PIK3CD: variants seen among roughly 807,000 people sequenced by gnomAD.
The protein encoded by PIK3CD is phosphatidylinositol-4,5-bisphosphate 3-kinase catalytic subunit delta, also known as phosphatidylinositol 4,5-bisphosphate 3-kinase catalytic subunit delta isoform.
In PIK3CD, 20 loss-of-function variants were observed where a neutral mutation model predicts 122.9. The ratio of observed to expected loss-of-function variants is 0.16; its 90% confidence interval spans 0.11 to 0.24. PIK3CD has a LOEUF of 0.24. Among genes scored for constraint, PIK3CD ranks in the 10% least tolerant of loss-of-function variants. The pLI is 1.00. For synonymous variants in PIK3CD, 596 were observed against 593.4 expected (o/e 1.00, Z -0.06); for missense variants, 787 against 1,406.3 (o/e 0.56, Z 7.04).
chr1:9,651,749 C>A lies in PIK3CD; in HGVS notation c.-191C>A, dbSNP rs1193275595. ...GAGGCTCACTCGCGCCCAGCGCAGT[C>A]GCTCCGAGCGGCCGCGAGCAGAGCC... On this transcript the variant is annotated 5_prime_UTR_variant, in exon 1 of 24. Transcript: ENST00000377346. 1 of 152,078 alleles carries A rather than the reference C, an allele frequency of 6.6e-6. No individual in the cohort carries two copies. Among genetic ancestry groups the A allele is most frequent in the East Asian group, 1.9e-4 (1 of 5,176 alleles). The allele number at this position is 152,078 out of a possible 1,614,324, so 9.4% of individuals were successfully genotyped here.
chr1:9,661,792 C>T lies in PIK3CD; in HGVS notation c.-138+9990C>T, dbSNP rs565934550. 4.6e-5 allele frequency among the ~76,000 whole-genome samples: 7 copies of T among 152,240 alleles called. 1 individual carries two copies. Among genetic ancestry groups the T allele is most frequent in the Admixed American group, 3.9e-4 (6 of 15,294 alleles). On this transcript the variant is annotated intron_variant, in intron 1 of 23. Transcript: ENST00000377346. ...CGGACGGATCACGAGGTTAAGAGATCGAGACCATCCTGGCTAACACGGTGA... is the reference window on the plus strand; with the variant it reads ...CGGACGGATCACGAGGTTAAGAGATTGAGACCATCCTGGCTAACACGGTGA...
At position 9,726,137 on chromosome 1, in the gene PIK3CD, C is replaced by T. The variant is rs144331018; in HGVS notation, c.2998-772C>T. 1.5e-4 allele frequency among the ~76,000 whole-genome samples: 22 copies of T among 151,396 alleles called. No homozygotes were observed. The South Asian group carries it at 2.9e-3, about 20-fold the overall frequency. Reference sequence around the variant, plus strand: ...CTGAGGCAGAAGAATCACTTGAACACGAGAGACTGAGGCTGCAGTAAGCCT... The same window carrying T: ...CTGAGGCAGAAGAATCACTTGAACATGAGAGACTGAGGCTGCAGTAAGCCT... On this transcript the variant is annotated intron_variant, in intron 23 of 23. Coordinates refer to ENST00000377346, the MANE Select transcript of PIK3CD (RefSeq NM_005026.5).
At position 9,684,881 on chromosome 1, in the gene PIK3CD, A is replaced by T. The variant is rs887702006; in HGVS notation, c.-137-6586A>T. Among the ~76,000 whole-genome samples the T allele has an allele frequency of 4.9e-4, 74 of 151,266 alleles. 1 individual carries two copies. The Admixed American group carries it at 4.9e-3, about 10-fold the overall frequency. On this transcript the variant is annotated intron_variant, in intron 1 of 23. Transcript: ENST00000377346. ...AAAAAAGAAAGAAAAAAGAAAAAAG[A>T]ATGAGCAATGCAAACCCAAGCTTTT... is the stretch of plus-strand genomic sequence containing the variant.
At chr1:9,702,727 G>T (rs1192813523) in intron 2 of PIK3CD, among the ~76,000 whole-genome samples, 1 of 151,366 alleles carries the variant, frequency 6.6e-6, no homozygotes, top group Non-Finnish European at 1.5e-5. Flanking sequence ...CACCATGTTG[G>T]TCAGGCTGGT....
intron 1 of PIK3CD, chr1:9,654,173 A>G (rs1209849457): frequency 7.4e-7 from 1 of 1,348,830 alleles, no homozygotes; most frequent in Admixed American, 1.9e-5. Flanking sequence ...GTTCAGAAAC[A>G]GACTACATTG....
rs549632105 is a variant in PIK3CD, at chr1:9,662,421, A to T, written c.-138+10619A>T. On this transcript the variant is annotated intron_variant, in intron 1 of 23. Transcript: ENST00000377346. The stretch of plus-strand genomic sequence containing the variant: ...TTCCCCCTGCACTCGTTCAGTGTAG[A>T]TGACGTATTTCTTCCTTTAAACCTG... 3.7e-5 allele frequency: 6 copies of T among 160,242 alleles called. No individual in the cohort carries two copies. The South Asian group carries it at 1.1e-3, about 29-fold the overall frequency. The allele number at this position is 160,242 out of a possible 1,614,324, so 9.9% of individuals were successfully genotyped here.
At position 9,715,266 on chromosome 1, in the gene PIK3CD, G is replaced by A. The variant is rs1647245603; in HGVS notation, c.142-275G>A. On this transcript the variant is annotated intron_variant, in intron 3 of 23. Transcript: ENST00000377346. This position sits in a 1 kb window ranked among gnomAD's most constrained non-coding sequence, Gnocchi z 4.1. ...CCCCGTCTCTGGAGTGACCTAGGGT[G>A]GTCCTGCACTCTGGGAGGGGAGCCT... is the stretch of plus-strand genomic sequence containing the variant. Among the ~76,000 whole-genome samples the A allele has an allele frequency of 6.6e-6, 1 of 152,212 alleles. No homozygotes were observed. The highest frequency in any genetic ancestry group is 1.5e-5 in the Non-Finnish European group (1 of 68,030).
chr1:9,661,587 G>A (rs955280077), intron 1 of PIK3CD, among the ~76,000 whole-genome samples: 2 of 152,054 alleles, frequency 1.3e-5, no homozygotes, highest in Admixed American at 6.6e-5. Flanking sequence ...GAGGCCGGGT[G>A]TGGTGGCTCA....
chr1:9,658,909 T>TA (rs1350867264), intron 1 of PIK3CD, among the ~76,000 whole-genome samples: 1 of 152,122 alleles, frequency 6.6e-6, no homozygotes, highest in African/African-American at 2.4e-5. Flanking sequence ...ACCTACCTGT[T>TA]AGTCTTGAGG....
rs1647239965 is a variant in PIK3CD, at chr1:9,715,206, A to G, written c.142-335A>G. ...ATAAAATAAATAGGTGAAGAACTCCAGGACAGTTAGCTGGGCTGCATGAAG... is the reference window on the plus strand; with the variant it reads ...ATAAAATAAATAGGTGAAGAACTCCGGGACAGTTAGCTGGGCTGCATGAAG... On this transcript the variant is annotated intron_variant, in intron 3 of 23. Coordinates refer to ENST00000377346, the MANE Select transcript of PIK3CD (RefSeq NM_005026.5). The surrounding 1 kb of genome is among the most constrained non-coding windows in gnomAD (Gnocchi z 4.1). Among the ~76,000 whole-genome samples the G allele has an allele frequency of 6.6e-6, 1 of 152,216 alleles. No individual in the cohort carries two copies.
chr1:9,632,354 G>A, the PIK3CD span, among the ~76,000 whole-genome samples: 3 of 152,018 alleles, frequency 2.0e-5, no homozygotes, highest in Non-Finnish European at 4.4e-5. Flanking sequence ...CAACTATGTT[G>A]CCAGGTTGGA....
intron 2 of PIK3CD, among the ~76,000 whole-genome samples, chr1:9,708,063 A>G (rs201724431): frequency 6.6e-6 from 1 of 151,302 alleles, no homozygotes; most frequent in Non-Finnish European, 1.5e-5. Flanking sequence ...CAAAGTGCTG[A>G]GATTACAGGC....
At chr1:9,655,331 A>G (rs1644816234) in intron 1 of PIK3CD, among the ~76,000 whole-genome samples, 1 of 152,212 alleles carries the variant, frequency 6.6e-6, no homozygotes, top group Admixed American at 6.5e-5. Context: ...CTCTCTCCCT[A>G]CAGTTAACGC....
intron 1 of PIK3CD, among the ~76,000 whole-genome samples, chr1:9,654,916 A>G (rs563488073): frequency 6.6e-6 from 1 of 151,968 alleles, no homozygotes. Context: ...AAAAAAAAAA[A>G]ATTAGCTGGG....
At chr1:9,702,500 C>CCTTTTTTTTTTTT (rs1646675709) in intron 2 of PIK3CD, among the ~76,000 whole-genome samples, 1 of 25,804 alleles carries the variant, frequency 3.9e-5, no homozygotes, top group African/African-American at 1.2e-4. Context: ...AAGAACTTTC[C>CCTTTTTTTTTTTT]TTTTTTTTTT....
chr1:9,724,089 G>T lies in PIK3CD; in HGVS notation c.2715G>T (p.Gly905=). The T allele has an allele frequency of 6.2e-7, 1 of 1,614,202 alleles. No homozygotes were observed. Among genetic ancestry groups the T allele is most frequent in the South Asian group, 1.1e-5 (1 of 91,088 alleles). The change falls in exon 21 of 24, where the codon GGG becomes GGT. Residue 905 remains glycine, a synonymous_variant. Coordinates refer to ENST00000377346, the MANE Select transcript of PIK3CD (RefSeq NM_005026.5). This position sits in a 1 kb window ranked among gnomAD's most constrained non-coding sequence, Gnocchi z 7.3. ...HSDNIMIRES[G]QLFHIDFGHF... is the part of the protein sequence containing the mutation. ...ACAACATCATGATCCGAGAGAGTGGGCAGGTACAGGGGCTGGTGCTGGCGG... is the reference window on the plus strand; with the variant it reads ...ACAACATCATGATCCGAGAGAGTGGTCAGGTACAGGGGCTGGTGCTGGCGG...
chr1:9,654,317 C>G, intron 1 of PIK3CD: 1 of 1,367,772 alleles, frequency 7.3e-7, no homozygotes, highest in Non-Finnish European at 9.8e-7. Context: ...GCCGCCAGGT[C>G]TTTGCACTAA....
At chr1:9,630,083 G>A in the PIK3CD span, among the ~76,000 whole-genome samples, 1 of 152,230 alleles carries the variant, frequency 6.6e-6, no homozygotes, top group African/African-American at 2.4e-5. Context: ...GCCCACGGGG[G>A]GAGCAGAGGA....
chr1:9,645,925 T>A, the PIK3CD span, among the ~76,000 whole-genome samples: 1 of 151,648 alleles, frequency 6.6e-6, no homozygotes, highest in African/African-American at 2.4e-5. Flanking sequence ...TTTTATTTTT[T>A]ATTTTTTTAT....
Sources: gnomAD v4.1 joint callset for allele counts (sites outside exome capture counted in the v4.1 genomes callset) on GRCh38, gnomAD v4.1.1 for gene constraint, Gnocchi (gnomAD v3.1) non-coding constraint, MANE v1.5 for transcripts, NCBI Gene and HGNC (gene_info 2026-07-23, HGNC 2026-07-21) for gene names.